Variants in NME7 observed in about 807,000 individuals in gnomAD.
NME7 encodes the protein NME/NM23 family member 7.
Under a neutral mutation model 49.1 loss-of-function variants are expected in NME7, and 41 were observed. The ratio of observed to expected loss-of-function variants is 0.83; its 90% CI spans 0.65 to 1.08. NME7 has a LOEUF of 1.08. Ranked by LOEUF, NME7 falls within the 50% of genes least tolerant of loss-of-function variation. The pLI is 0.00. For synonymous variants in NME7, 139 were observed against 150.6 expected (o/e 0.92, Z 0.56); for missense variants, 423 against 463.4 (o/e 0.91, Z 0.80).
chr1:169,198,258 T>C (rs969724278), intron 10 of NME7, among the ~76,000 whole-genome samples: 7 of 152,060 alleles, frequency 4.6e-5, no homozygotes, highest in African/African-American at 1.7e-4. Context: ...CTAGTGGTAA[T>C]GTAAAATGGT....
intron 11 of NME7, among the ~76,000 whole-genome samples, chr1:169,139,695 C>T (rs1184120541): frequency 6.6e-6 from 1 of 152,106 alleles, no homozygotes; most frequent in Non-Finnish European, 1.5e-5. Context: ...ATGTTATGGC[C>T]CATCCTGCTG....
chr1:169,342,824 ATATATACAAGTACATATATATATAG>A (rs1398343287), intron 1 of NME7, among the ~76,000 whole-genome samples: 6 of 79,304 alleles, frequency 7.6e-5, no homozygotes, highest in African/African-American at 2.6e-4. Flanking sequence ...TATAGTATAT[ATATATACAAGTACATATATATATAG>A]TATATATATA....
intron 7 of NME7, 184 bp downstream of exon 7, chr1:169,287,114 CAAAGA>C (rs1423836108): frequency 4.0e-6 from 2 of 494,166 alleles, no homozygotes; most frequent in African/African-American, 4.6e-5. Flanking sequence ...TAAAAATCCA[CAAAGA>C]AAAGACAAAT....
At chr1:169,323,433 A>G (rs1398956385) in intron 2 of NME7, 150 bp from the exon 3 acceptor site, 4 of 582,464 alleles carry the variant, frequency 6.9e-6, no homozygotes, top group Non-Finnish European at 7.8e-6. Context: ...TATAAATCAT[A>G]ATTTTTAATA....
intron 1 of NME7, among the ~76,000 whole-genome samples, chr1:169,328,733 A>T (rs950633213): frequency 6.6e-6 from 1 of 152,230 alleles, no homozygotes; most frequent in East Asian, 1.9e-4. Context: ...GGGAGTTCAA[A>T]CAGTTATAGA....
chr1:169,350,469 G>A (rs1653129513), intron 1 of NME7, among the ~76,000 whole-genome samples: 1 of 151,972 alleles, frequency 6.6e-6, no homozygotes. Context: ...AAACGCAGAG[G>A]GGATCTTGAA....
At chr1:169,183,454 A>G (rs1659978686) in intron 10 of NME7, among the ~76,000 whole-genome samples, 1 of 152,080 alleles carries the variant, frequency 6.6e-6, no homozygotes, top group Admixed American at 6.5e-5. Flanking sequence ...AAAAGAATAA[A>G]CTCTGTTCAC....
At chr1:169,297,061 C>A (rs1471979082) in intron 6 of NME7, among the ~76,000 whole-genome samples, 3 of 151,922 alleles carry the variant, frequency 2.0e-5, no homozygotes, top group African/African-American at 7.3e-5. Context: ...GCAACCTCCA[C>A]CTCCCTGGTT....
chr1:169,133,340 G>GTAT (rs1259209503), intron 11 of NME7, among the ~76,000 whole-genome samples: 4 of 152,240 alleles, frequency 2.6e-5, no homozygotes, highest in African/African-American at 9.6e-5. Context: ...TCAGGGCATT[G>GTAT]TATTTCTGAA....
chr1:169,235,400 C>T (rs994762050), intron 8 of NME7, among the ~76,000 whole-genome samples: 3 of 152,014 alleles, frequency 2.0e-5, no homozygotes, highest in Admixed American at 6.6e-5. Flanking sequence ...ACTCTAGGTT[C>T]TATACGTGCA....
At chr1:169,191,731 T>C (rs976056064) in intron 10 of NME7, among the ~76,000 whole-genome samples, 2 of 152,218 alleles carry the variant, frequency 1.3e-5, no homozygotes, top group African/African-American at 2.4e-5. Flanking sequence ...TCATTCAGCG[T>C]ATTTTTTCAA....
chr1:169,258,393 TATATATATATATACAC>T lies in NME7; in HGVS notation c.755-20722_755-20707del, dbSNP rs1396600355. On this transcript the variant is annotated intron_variant, in intron 7 of 11. Transcript: ENST00000367811. ...AATAAAACATATATATATATATATA[TATATATATATATACAC>T]ACACACACACACACATACACACACA... Among the ~76,000 whole-genome samples the T allele has an allele frequency of 7.0e-5, 6 of 86,226 alleles. 1 individual carries two copies. Among genetic ancestry groups the T allele is most frequent in the African/African-American group, 2.7e-4 (6 of 22,640 alleles). 56.6% of individuals were successfully genotyped at this position (86,226 alleles called of 152,430 possible).
At chr1:169,303,090 A>C (rs1651010395) in intron 5 of NME7, 55 bp downstream of exon 5, 1 of 1,181,158 alleles carries the variant, frequency 8.5e-7, no homozygotes, top group African/African-American at 1.6e-5. Flanking sequence ...GTAACTCCAT[A>C]GTTTTCTAGG....
At chr1:169,367,584 G>T (rs763780045) in intron 1 of NME7, 124 bp downstream of exon 1, 12 of 1,067,482 alleles carry the variant, frequency 1.1e-5, no homozygotes, top group Non-Finnish European at 1.8e-5. Flanking sequence ...TGGGAAGGGG[G>T]AAAGAGATAA....
chr1:169,192,759 A>C (rs1159413702), intron 10 of NME7, among the ~76,000 whole-genome samples: 1 of 152,206 alleles, frequency 6.6e-6, no homozygotes, highest in Non-Finnish European at 1.5e-5. Flanking sequence ...ACTTGAAAAC[A>C]GTATGCATGA....
intron 1 of NME7, among the ~76,000 whole-genome samples, chr1:169,327,167 C>T (rs1019067325): frequency 6.6e-6 from 1 of 152,302 alleles, no homozygotes; most frequent in Admixed American, 6.5e-5. Context: ...TTTAGTAGCA[C>T]ATAGATACAC....
At chr1:169,180,967 C>T (rs2101748311) in intron 10 of NME7, among the ~76,000 whole-genome samples, 1 of 152,112 alleles carries the variant, frequency 6.6e-6, no homozygotes, top group South Asian at 2.1e-4. Flanking sequence ...CTCCCAGGAC[C>T]GAGGTTTAAC....
rs180866651 is a variant in NME7, at chr1:169,134,972, C to A, written c.1099-2155G>T. 4.0e-3 allele frequency among the ~76,000 whole-genome samples: 467 copies of A among 116,368 alleles called. 2 individuals are homozygous for A. The highest frequency in any genetic ancestry group is 6.4e-3 in the South Asian group (22 of 3,416). The allele number at this position is 116,368 out of a possible 152,430, so 76.3% of individuals were successfully genotyped here. Reference sequence around the variant, plus strand: ...GGAGGATCACTTGAGCCCAGGAGTTCAAGATCAGCCTAGACAACATAAGGA... The same window carrying A: ...GGAGGATCACTTGAGCCCAGGAGTTAAAGATCAGCCTAGACAACATAAGGA... On this transcript the variant is annotated intron_variant, in intron 11 of 11. Transcript: ENST00000367811.
intron 11 of NME7, among the ~76,000 whole-genome samples, chr1:169,143,618 TAGG>T (rs1658671286): frequency 6.6e-6 from 1 of 151,992 alleles, no homozygotes; most frequent in African/African-American, 2.4e-5. Flanking sequence ...TGTGTCTGAA[TAGG>T]AGCTCTTGTT....
Sources: allele counts gnomAD v4.1 joint callset (sites outside exome capture counted in the v4.1 genomes callset), GRCh38; gene constraint gnomAD v4.1.1; transcripts MANE v1.5; gene names NCBI Gene and HGNC (gene_info 2026-07-23, HGNC 2026-07-21).